The following SPAG16 variants were observed in gnomAD, a reference collection of about 807,000 sequenced individuals.
SPAG16 encodes the protein sperm associated antigen 16.
SPAG16 carries 86 observed loss-of-function variants against 80.4 expected under a neutral mutation model. That is an observed-to-expected ratio of 1.07 (90% confidence interval 0.90 to 1.28). SPAG16 has a LOEUF of 1.28. Ranked by LOEUF, SPAG16 falls within the 50% of genes most tolerant of loss-of-function variation. The probability of loss-of-function intolerance (pLI) is 0.00; values close to 1 mark genes in which losing one functional copy is unlikely to be tolerated. For synonymous variants in SPAG16, 294 were observed against 265.9 expected (o/e 1.11, Z -1.03); for missense variants, 870 against 765.3 (o/e 1.14, Z -1.61).
chr2:214,324,103 T>C (rs1696303781), intron 15 of SPAG16, among the ~76,000 whole-genome samples: 1 of 152,102 alleles, frequency 6.6e-6, no homozygotes, highest in African/African-American at 2.4e-5. Context: ...GATAGAAAAA[T>C]GAAAATAGCT....
intron 11 of SPAG16, among the ~76,000 whole-genome samples, chr2:213,900,734 T>C (rs1340024008): frequency 3.9e-5 from 6 of 152,188 alleles, no homozygotes. Flanking sequence ...TCCTGGACAT[T>C]CATCATTTTT....
Position 213,859,694 on chromosome 2 carries a change from C to T in SPAG16, c.1071-2791C>T, listed in dbSNP as rs544007884. On this transcript the variant is annotated intron_variant, in intron 10 of 15. Transcript: ENST00000331683. ...CCATCCTGGGTTCAAAGTTGGCTTC[C>T]GTTCACTACCAAATGTAAGCTTGGG... is the stretch of plus-strand genomic sequence containing the variant. Among the ~76,000 whole-genome samples, 7 of 152,252 alleles carry T rather than the reference C, an allele frequency of 4.6e-5. No homozygotes were observed. The East Asian group carries it at 7.7e-4, about 17-fold the overall frequency.
intron 3 of SPAG16, among the ~76,000 whole-genome samples, chr2:213,305,738 G>A (rs190186600): frequency 5.6e-4 from 85 of 152,182 alleles, no homozygotes; most frequent in African/African-American, 1.9e-3. Context: ...CCTTTTTAAT[G>A]TGTTGTTGAA....
At chr2:213,541,729 A>G (rs766608860) in intron 10 of SPAG16, among the ~76,000 whole-genome samples, 2 of 152,230 alleles carry the variant, frequency 1.3e-5, no homozygotes, top group South Asian at 2.1e-4. Flanking sequence ...TCAGACCTCT[A>G]TCGACACACA....
chr2:213,982,289 T>TA (rs1405883581), intron 12 of SPAG16, among the ~76,000 whole-genome samples: 1 of 152,048 alleles, frequency 6.6e-6, no homozygotes, highest in Admixed American at 6.6e-5. Flanking sequence ...AATGAGCAAT[T>TA]AAAAAACTCA....
At chr2:213,589,733 A>G (rs563538627) in intron 10 of SPAG16, among the ~76,000 whole-genome samples, 1 of 152,158 alleles carries the variant, frequency 6.6e-6, no homozygotes, top group East Asian at 1.9e-4. Context: ...ACCAGGCTGG[A>G]CAACATGGTG....
At chr2:213,774,990 G>C (rs2069484697) in intron 10 of SPAG16, among the ~76,000 whole-genome samples, 1 of 152,146 alleles carries the variant, frequency 6.6e-6, no homozygotes, top group Non-Finnish European at 1.5e-5. Flanking sequence ...GGTTGGATCT[G>C]TCTCGGCACT....
At chr2:213,855,310 A>C (rs1575363748) in intron 10 of SPAG16, among the ~76,000 whole-genome samples, 1 of 152,140 alleles carries the variant, frequency 6.6e-6, no homozygotes, top group Admixed American at 6.5e-5. Flanking sequence ...TGTTGAGCTA[A>C]CTCTACTTAA....
chr2:213,389,744 G>A (rs1024038326), intron 9 of SPAG16, among the ~76,000 whole-genome samples: 30 of 152,114 alleles, frequency 2.0e-4, no homozygotes, highest in African/African-American at 7.2e-4. Context: ...GAAAGCTGGT[G>A]AGGACATAAG....
chr2:213,727,317 A>G (rs552727893), intron 10 of SPAG16, among the ~76,000 whole-genome samples: 26 of 152,314 alleles, frequency 1.7e-4, no homozygotes, highest in Non-Finnish European at 3.1e-4. Context: ...AGAGACTGGC[A>G]GTTTTTTTAA....
chr2:213,686,094 T>A (rs555610211), intron 10 of SPAG16, among the ~76,000 whole-genome samples: 1 of 152,252 alleles, frequency 6.6e-6, no homozygotes, highest in South Asian at 2.1e-4. Flanking sequence ...AAACCCAAAA[T>A]TTTCCTAGTT....
rs376668548 is a variant in SPAG16 at position 213,377,624 on chromosome 2, C to T, written c.942+2505C>T. The stretch of plus-strand genomic sequence containing the variant: ...GTAATGGTGGTGGTGTGTGGCCGTT[C>T]GTAAATCTTTTCCTCTTACTTTTTC... On this transcript the variant is annotated intron_variant, in intron 9 of 15. Transcript: ENST00000331683. Among the ~76,000 whole-genome samples the T allele has an allele frequency of 6.4e-4, 98 of 152,212 alleles. 1 individual carries two copies. Among genetic ancestry groups the T allele is most frequent in the Middle Eastern group, 3.4e-3 (1 of 294 alleles).
chr2:213,538,034 T>G (rs1247411300), intron 10 of SPAG16, among the ~76,000 whole-genome samples: 1 of 152,230 alleles, frequency 6.6e-6, no homozygotes, highest in Admixed American at 6.5e-5. Context: ...TCTACTTTTA[T>G]GAGGTTTTTG....
chr2:214,114,895 G>A (rs566673693), intron 14 of SPAG16, among the ~76,000 whole-genome samples: 2 of 152,298 alleles, frequency 1.3e-5, no homozygotes, highest in South Asian at 2.1e-4. Flanking sequence ...CATTGATCAT[G>A]CTGGGAGTTG....
At chr2:214,359,535 A>G (rs1699036003) in intron 15 of SPAG16, among the ~76,000 whole-genome samples, 1 of 151,954 alleles carries the variant, frequency 6.6e-6, no homozygotes, top group Admixed American at 6.6e-5. Flanking sequence ...AGAGCATTTA[A>G]TTCTCATAGG....
At chr2:213,809,341 G>C (rs1391246139) in intron 10 of SPAG16, among the ~76,000 whole-genome samples, 1 of 152,110 alleles carries the variant, frequency 6.6e-6, no homozygotes, top group Non-Finnish European at 1.5e-5. Flanking sequence ...CTGTGGAAAG[G>C]TGGACTTGGG....
chr2:213,957,925 C>A (rs961033760), intron 12 of SPAG16, among the ~76,000 whole-genome samples: 7 of 152,144 alleles, frequency 4.6e-5, no homozygotes, highest in Non-Finnish European at 4.4e-5. Flanking sequence ...TCTAGAAAAG[C>A]CCCGACTGGG....
chr2:213,644,978 G>C (rs756245009), intron 10 of SPAG16, among the ~76,000 whole-genome samples: 1 of 152,204 alleles, frequency 6.6e-6, no homozygotes, highest in Non-Finnish European at 1.5e-5. Flanking sequence ...GGTTCCAAAG[G>C]CACTGTCCAG....
At chr2:214,093,137 C>G (rs971259007) in intron 13 of SPAG16, among the ~76,000 whole-genome samples, 2 of 152,050 alleles carry the variant, frequency 1.3e-5, no homozygotes, top group African/African-American at 4.8e-5. Flanking sequence ...GGTACAGTTA[C>G]CACCTCTCTG....
Sources: allele counts gnomAD v4.1 joint callset (sites outside exome capture counted in the v4.1 genomes callset), GRCh38; gene constraint gnomAD v4.1.1; transcripts MANE v1.5; gene names NCBI Gene and HGNC (gene_info 2026-07-23, HGNC 2026-07-21).